The following MGAT4C variants were observed in gnomAD, a reference collection of about 807,000 sequenced individuals.
MGAT4C encodes alpha-1,3-mannosyl-glycoprotein 4-beta-N-acetylglucosaminyltransferase C.
A neutral mutation model predicts 40.1 loss-of-function variants in MGAT4C; 19 were observed. The observed-to-expected ratio is 0.47, with a 90% CI of 0.33 to 0.70. The LOEUF (loss-of-function observed/expected upper bound fraction) is 0.70, where lower values mean the gene tolerates loss of function less well. Among genes scored for constraint, MGAT4C ranks in the 30% least tolerant of loss-of-function variants. MGAT4C has a pLI of 0.02. For synonymous variants in MGAT4C, 181 were observed against 187.1 expected (o/e 0.97, Z 0.27); for missense variants, 491 against 563.2 (o/e 0.87, Z 1.30).
chr12:86,480,872 T>G (rs1379601169), intron 2 of MGAT4C, among the ~76,000 whole-genome samples: 12 of 151,820 alleles, frequency 7.9e-5, no homozygotes. Context: ...TTTTTTCTTC[T>G]TGCTGAATTT....
intron 1 of MGAT4C, among the ~76,000 whole-genome samples, chr12:86,183,859 T>TTTATTAG (rs1018036087): frequency 3.9e-5 from 6 of 152,204 alleles, no homozygotes; most frequent in African/African-American, 1.4e-4. Flanking sequence ...AATTATCTGC[T>TTTATTAG]AAGAGCTTTG....
At chr12:86,005,630 G>A (rs981228497) in intron 2 of MGAT4C, among the ~76,000 whole-genome samples, 6 of 152,094 alleles carry the variant, frequency 3.9e-5, no homozygotes, top group Admixed American at 1.3e-4. Context: ...AAGAAGACAG[G>A]AATTCATTCA....
At chr12:86,836,483 T>A (rs906639355) in intron 1 of MGAT4C, among the ~76,000 whole-genome samples, 1 of 152,020 alleles carries the variant, frequency 6.6e-6, no homozygotes, top group Non-Finnish European at 1.5e-5. Flanking sequence ...TAACGACAAC[T>A]AATAAAATGA....
intron 2 of MGAT4C, among the ~76,000 whole-genome samples, chr12:86,707,528 C>CTTCTTT (rs1555221643): frequency 7.5e-6 from 1 of 132,836 alleles, no homozygotes; most frequent in African/African-American, 2.8e-5. Flanking sequence ...TTTTTCTTTT[C>CTTCTTT]TTTTTTTTTT....
chr12:86,391,852 C>T (rs1956166462), intron 3 of MGAT4C, among the ~76,000 whole-genome samples: 1 of 151,760 alleles, frequency 6.6e-6, no homozygotes, highest in South Asian at 2.1e-4. Context: ...GAGTGAGAAT[C>T]CGTCTCAAAA....
At chr12:86,479,414 G>A (rs1292317577) in intron 2 of MGAT4C, among the ~76,000 whole-genome samples, 3 of 151,830 alleles carry the variant, frequency 2.0e-5, no homozygotes, top group Admixed American at 1.3e-4. Context: ...AGTGAGTAGG[G>A]CTGGTAGGTG....
chr12:86,376,931 T>C (rs928277048), intron 3 of MGAT4C, among the ~76,000 whole-genome samples: 1 of 152,022 alleles, frequency 6.6e-6, no homozygotes, highest in Non-Finnish European at 1.5e-5. Flanking sequence ...CTTTAAGTTG[T>C]TGACACTAGT....
At chr12:86,775,844 C>T (rs1465989222) in intron 1 of MGAT4C, among the ~76,000 whole-genome samples, 3 of 128,636 alleles carry the variant, frequency 2.3e-5, no homozygotes, top group African/African-American at 5.6e-5. Context: ...CTTTTTTACC[C>T]TGAAATATAT....
intron 4 of MGAT4C, among the ~76,000 whole-genome samples, chr12:86,288,506 CTTGAG>C (rs1182035197): frequency 2.6e-5 from 4 of 152,192 alleles, no homozygotes; most frequent in Middle Eastern, 3.4e-3. Context: ...TTTAATCCAT[CTTGAG>C]TTAATTTTTG....
intron 3 of MGAT4C, among the ~76,000 whole-genome samples, chr12:86,401,374 T>G (rs1323638772): frequency 6.6e-6 from 1 of 151,592 alleles, no homozygotes; most frequent in African/African-American, 2.4e-5. Context: ...AATGGCAGAG[T>G]AAAAAGCCAT....
chr12:86,818,957 C>T (rs1448827699), intron 1 of MGAT4C, among the ~76,000 whole-genome samples: 1 of 150,910 alleles, frequency 6.6e-6, no homozygotes, highest in East Asian at 1.9e-4. Flanking sequence ...CAGCTATATA[C>T]CCACTAGAAG....
chr12:86,411,034 G>T (rs368856172), intron 3 of MGAT4C, among the ~76,000 whole-genome samples: 2 of 36,564 alleles, frequency 5.5e-5, no homozygotes, highest in African/African-American at 2.1e-4. Flanking sequence ...CCCCAGCCAT[G>T]CTTCTGTGTA....
At chr12:86,120,524 G>T (rs1429696081) in intron 1 of MGAT4C, among the ~76,000 whole-genome samples, 1 of 152,178 alleles carries the variant, frequency 6.6e-6, no homozygotes, top group African/African-American at 2.4e-5. Flanking sequence ...ACAGCCAGGT[G>T]CCCCTCTGAG....
chr12:86,701,996 A>T (rs990615994), intron 2 of MGAT4C, among the ~76,000 whole-genome samples: 1 of 152,110 alleles, frequency 6.6e-6, no homozygotes, highest in Non-Finnish European at 1.5e-5. Flanking sequence ...AAGATCTAAG[A>T]TCATTGATGA....
At chr12:86,466,549 T>C (rs1309452633) in intron 2 of MGAT4C, among the ~76,000 whole-genome samples, 2 of 152,184 alleles carry the variant, frequency 1.3e-5, no homozygotes, top group African/African-American at 4.8e-5. Flanking sequence ...GGGAGAGGGA[T>C]GAATAGGCAG....
intron 2 of MGAT4C, among the ~76,000 whole-genome samples, chr12:86,593,880 T>C (rs144571512): frequency 1.3e-5 from 2 of 152,248 alleles, no homozygotes; most frequent in African/African-American, 2.4e-5. Context: ...GCAAAATCTC[T>C]GAACCATACC....
intron 1 of MGAT4C, among the ~76,000 whole-genome samples, chr12:86,113,534 G>T (rs968377894): frequency 1.3e-5 from 2 of 151,752 alleles, no homozygotes; most frequent in Non-Finnish European, 2.9e-5. Context: ...AAAAAAGAAT[G>T]CAAACATGAA....
intron 3 of MGAT4C, among the ~76,000 whole-genome samples, chr12:86,339,304 G>A (rs912056020): frequency 6.6e-6 from 1 of 152,056 alleles, no homozygotes; most frequent in Non-Finnish European, 1.5e-5. Context: ...CTCATATAGG[G>A]CTACTATTAT....
intron 3 of MGAT4C, among the ~76,000 whole-genome samples, chr12:86,341,086 G>T (rs1237608387): frequency 6.6e-6 from 1 of 152,132 alleles, no homozygotes; most frequent in East Asian, 1.9e-4. Context: ...ACCTTCAATT[G>T]AAACACCCAT....
Sources: allele counts gnomAD v4.1 joint callset (sites outside exome capture counted in the v4.1 genomes callset), GRCh38; gene constraint gnomAD v4.1.1; transcripts MANE v1.5; gene names NCBI Gene and HGNC (gene_info 2026-07-23, HGNC 2026-07-21).